The following IRF6 variants were observed in gnomAD, a reference collection of about 807,000 sequenced individuals.
IRF6 encodes Van der Woude syndrome.
Under a neutral mutation model 51.4 loss-of-function variants are expected in IRF6, and 6 were observed. The observed-to-expected ratio is 0.12, with a 90% CI of 0.06 to 0.23. The LOEUF is 0.23. Among genes scored for constraint, IRF6 ranks in the 10% least tolerant of loss-of-function variants. The pLI, the probability that IRF6 is intolerant of heterozygous loss-of-function variation, is 1.00. For synonymous variants in IRF6, 178 were observed against 215.7 expected, an observed-to-expected ratio of 0.83 and a Z score of 1.53; for missense variants, 348 against 585.2, an observed-to-expected ratio of 0.59 and a Z score of 4.18.
In IRF6 at chr1:209,792,387, C is replaced by A. The variant is rs762545282; in HGVS notation, c.549G>T (p.Val183=). The change falls in exon 6 of 9, where the codon GTG becomes GTT. Residue 183 remains valine (V), a synonymous_variant. Transcript: ENST00000367021. ...ACACTGCCTCCGGGCTGCAGTTGCC[C>A]ACACTGCAATTGCCCACACTGGCTG... is the stretch of plus-strand genomic sequence containing the variant. ...MAPASVGNCS[V]GNCSPEAVWP... is the part of the protein sequence containing the mutation. 6 of 1,614,060 alleles carry A rather than the reference C, an allele frequency of 3.7e-6. No homozygotes were observed. The Admixed American group carries it at 1.0e-4, about 27-fold the overall frequency.
At chr1:209,802,110 T>C (rs1214115887) in intron 1 of IRF6, 67 bp from the exon 2 acceptor site, 1 of 152,168 alleles carries the variant, frequency 6.6e-6, no homozygotes, top group Non-Finnish European at 1.5e-5. Context: ...GGGAGAAGGC[T>C]TGGGAACACT....
chr1:209,790,119 C>T lies in IRF6; in HGVS notation c.1061-334G>A, dbSNP rs893782043. On this transcript the variant is annotated intron_variant, in intron 7 of 8. Transcript: ENST00000367021. The surrounding 1 kb of genome is among the most constrained non-coding windows in gnomAD (Gnocchi z 4.8). ...CCCTAAAACTGCCTGCTTGAATTCA[C>T]CACTCAGATAATTCCCAAAAGAATA... is the stretch of plus-strand genomic sequence containing the variant. 6.6e-6 allele frequency among the ~76,000 whole-genome samples: 1 copy of T among 152,206 alleles called. No individual in the cohort carries two copies. The highest frequency in any genetic ancestry group is 1.5e-5 in the Non-Finnish European group (1 of 68,044).
rs1013348802 is a variant in IRF6, at chr1:209,788,230, G to T, written c.*190C>A. 2 of 603,876 alleles carry T rather than the reference G, an allele frequency of 3.3e-6. No homozygotes were observed. The highest frequency in any genetic ancestry group is 5.8e-6 in the Non-Finnish European group (2 of 343,066). The allele number at this position is 603,876 out of a possible 1,614,324, so 37.4% of individuals were successfully genotyped here. Reference sequence around the variant, plus strand: ...TACTACCATTAGGAGATTTGAAAAAGAAAAGCAAAGTCTGAAGGGTGATTT... The same window carrying T: ...TACTACCATTAGGAGATTTGAAAAATAAAAGCAAAGTCTGAAGGGTGATTT... On this transcript the variant is annotated 3_prime_UTR_variant, in exon 9 of 9. Coordinates refer to ENST00000367021, the MANE Select transcript of IRF6 (RefSeq NM_006147.4).
rs1441749153 is a variant in IRF6, at chr1:209,795,373, T to C, written c.425A>G (p.Asp142Gly). Reference sequence around the variant, plus strand: ...CAGCTCATCTTCCTCATCTTCTTCATCCACATCATTATCCTTCTCATCCCA... The same window carrying C: ...CAGCTCATCTTCCTCATCTTCTTCACCCACATCATTATCCTTCTCATCCCA... Reference protein sequence around the residue: ...APWDEKDNDVDEEDEEDELDQ... With the variant: ...APWDEKDNDVGEEDEEDELDQ... The change falls in exon 5 of 9, where the codon GAT (aspartate) becomes GGT (glycine). Residue 142 changes from aspartate (D) to glycine (G), a missense_variant. Physicochemically the swap from Asp to Gly is moderately conservative, Grantham distance 94. Coordinates refer to ENST00000367021, the MANE Select transcript of IRF6 (RefSeq NM_006147.4). The C allele has an allele frequency of 1.9e-6, 3 of 1,614,174 alleles. No homozygotes were observed. Among genetic ancestry groups the C allele is most frequent in the Middle Eastern group, 1.6e-4 (1 of 6,062 alleles).
At chr1:209,799,687 G>A (rs1282110387) in intron 3 of IRF6, among the ~76,000 whole-genome samples, 1 of 152,210 alleles carries the variant, frequency 6.6e-6, no homozygotes, top group African/African-American at 2.4e-5. Flanking sequence ...CCCAGGGCCA[G>A]CCACTGTCAG....
At chr1:209,792,868 A>C (rs1256493135) in intron 5 of IRF6, among the ~76,000 whole-genome samples, 1 of 152,226 alleles carries the variant, frequency 6.6e-6, no homozygotes, top group Non-Finnish European at 1.5e-5. Flanking sequence ...ATACTTTTAC[A>C]TGCATAAAAT....
chr1:209,789,176 A>G (rs1488801073), intron 8 of IRF6, among the ~76,000 whole-genome samples: 1 of 152,048 alleles, frequency 6.6e-6, no homozygotes, highest in African/African-American at 2.4e-5. Flanking sequence ...AAATAAAATT[A>G]GGCCAGGCAT....
At position 209,786,344 on chromosome 1, in the gene IRF6, C is replaced by G. The variant is rs937036126; in HGVS notation, c.*2076G>C. ...ATAAACTTTTTATAGTGGTTACGAA[C>G]CAAAAGCTTGGCATTTCTTGGCACT... On this transcript the variant is annotated 3_prime_UTR_variant, in exon 9 of 9. Transcript: ENST00000367021. 1.3e-5 allele frequency: 2 copies of G among 152,150 alleles called. No homozygotes were observed. The highest frequency in any genetic ancestry group is 4.8e-5 in the African/African-American group (2 of 41,432). 9.4% of individuals were successfully genotyped at this position (152,150 alleles called of 1,614,324 possible).
At chr1:209,803,257 A>C (rs2077954707) in intron 1 of IRF6, among the ~76,000 whole-genome samples, 1 of 152,202 alleles carries the variant, frequency 6.6e-6, no homozygotes, top group Admixed American at 6.5e-5. Context: ...GAAAAAGAGG[A>C]TAGGGAAATA....
chr1:209,802,964 AC>A (rs2102549177), intron 1 of IRF6, among the ~76,000 whole-genome samples: 1 of 152,314 alleles, frequency 6.6e-6, no homozygotes, highest in Non-Finnish European at 1.5e-5. Context: ...GCAAGGCAAG[AC>A]CTGCTCTCAC....
intron 3 of IRF6, among the ~76,000 whole-genome samples, chr1:209,800,044 G>C (rs2077929912): frequency 6.6e-6 from 1 of 152,152 alleles, no homozygotes; most frequent in Non-Finnish European, 1.5e-5. Context: ...TGAATCTTGA[G>C]AGACCCACAG....
At chr1:209,793,980 CATTTA>C (rs1290313787) in intron 5 of IRF6, among the ~76,000 whole-genome samples, 1 of 152,154 alleles carries the variant, frequency 6.6e-6, no homozygotes, top group Non-Finnish European at 1.5e-5. Flanking sequence ...CATTGATGGG[CATTTA>C]ATTTGATTCC....
rs537028617 is a variant in IRF6, at chr1:209,800,292, C to T, written c.174+948G>A. On this transcript the variant is annotated intron_variant, in intron 3 of 8. Coordinates refer to ENST00000367021, the MANE Select transcript of IRF6 (RefSeq NM_006147.4). Reference sequence around the variant, plus strand: ...TGTCTTAAGTCAAGCTTTGGTTTCACTTAAATTTTGTAAAATGCTATGTGA... The same window carrying T: ...TGTCTTAAGTCAAGCTTTGGTTTCATTTAAATTTTGTAAAATGCTATGTGA... Among the ~76,000 whole-genome samples, 3 of 152,272 alleles carry T rather than the reference C, an allele frequency of 2.0e-5. No individual in the cohort carries two copies. In the East Asian group the frequency reaches 5.8e-4, roughly 29 times the overall value.
chr1:209,803,165 G>A (rs369962978), intron 1 of IRF6, among the ~76,000 whole-genome samples: 12 of 152,118 alleles, frequency 7.9e-5, no homozygotes, highest in African/African-American at 2.7e-4. Context: ...AAGGAGGAGG[G>A]GATGCATATT....
intron 1 of IRF6, among the ~76,000 whole-genome samples, chr1:209,803,840 C>T (rs937346451): frequency 3.3e-5 from 5 of 151,786 alleles, no homozygotes; most frequent in Non-Finnish European, 5.9e-5. Context: ...GTATTATACT[C>T]AAGGAAATGT....
rs2102542868 is a variant in IRF6 at position 209,796,464 on chromosome 1, T to C, written c.263A>G (p.Asn88Ser). The C allele has an allele frequency of 6.2e-7, 1 of 1,613,640 alleles. No individual in the cohort carries two copies. Among genetic ancestry groups the C allele is most frequent in the Non-Finnish European group, 8.5e-7 (1 of 1,179,604 alleles). ...CATCAGGTTGAATTCTCTGCTCTTA[T>C]TGAGAGCACAGCGCAGCTGGGCCTT... ...KWKAQLRCALNKSREFNLMYD... is the reference protein window; with the variant it reads ...KWKAQLRCALSKSREFNLMYD... The change falls in exon 4 of 9, where the codon AAT (asparagine) becomes AGT (serine). Residue 88 changes from asparagine (N) to serine (S), a missense_variant. Physicochemically the swap from Asn to Ser is conservative, Grantham distance 46. Around this residue, in one of 5 missense-constraint regions of IRF6, gnomAD observed 48 missense variants for 128.1 expected, o/e 0.37. Transcript: ENST00000367021. The surrounding 1 kb of genome is among the most constrained non-coding windows in gnomAD (Gnocchi z 4.5).
chr1:209,794,659 G>C (rs987605933), intron 5 of IRF6, among the ~76,000 whole-genome samples: 2 of 152,214 alleles, frequency 1.3e-5, no homozygotes, highest in East Asian at 3.8e-4. Flanking sequence ...GCTGCAGAAA[G>C]AGCAATTCAA....
chr1:209,798,263 G>A (rs2077916561), intron 3 of IRF6, among the ~76,000 whole-genome samples: 2 of 152,206 alleles, frequency 1.3e-5, no homozygotes, highest in African/African-American at 4.8e-5. Context: ...CCCCCTACGG[G>A]AGATTTCAAC....
In IRF6 at chr1:209,805,456, G is replaced by A. The variant is rs190494051; in HGVS notation, c.-76+491C>T. 2.3e-3 allele frequency among the ~76,000 whole-genome samples: 347 copies of A among 152,288 alleles called. 1 individual carries two copies. Among genetic ancestry groups the A allele is most frequent in the African/African-American group, 8.1e-3 (337 of 41,564 alleles). On this transcript the variant is annotated intron_variant, in intron 1 of 8. Transcript: ENST00000367021. ...GTTGTCTCCCAGGCCCAGGGCGAAG[G>A]GCCTAACTGTGCCAAACAGACTCAG...
Sources: gnomAD v4.1 joint callset for allele counts (sites outside exome capture counted in the v4.1 genomes callset) on GRCh38, gnomAD v4.1.1 for gene constraint, gnomAD v4.1.1 regional missense constraint, Gnocchi (gnomAD v3.1) non-coding constraint, MANE v1.5 for transcripts, NCBI Gene and HGNC (gene_info 2026-07-23, HGNC 2026-07-21) for gene names.